FRK: variants seen among roughly 807,000 people sequenced by gnomAD.
The protein encoded by FRK is tyrosine-protein kinase FRK.
Under a neutral mutation model 56.4 loss-of-function variants are expected in FRK, and 51 were observed. The ratio of observed to expected loss-of-function variants is 0.90; its 90% CI spans 0.72 to 1.14. The LOEUF is 1.14. Among genes scored for constraint, FRK ranks in the 50% most tolerant of loss-of-function variants. The pLI is 0.00. For missense variants in FRK, 570 were observed against 601.4 expected (o/e 0.95, Z 0.55); for synonymous variants, 245 against 217.9 (o/e 1.12, Z -1.10).
chr6:116,032,862 T>C (rs1008612344), intron 1 of FRK, among the ~76,000 whole-genome samples: 1 of 152,120 alleles, frequency 6.6e-6, no homozygotes, highest in African/African-American at 2.4e-5. Flanking sequence ...AAAAAAATTC[T>C]TCTTTGCAGA....
chr6:115,981,831 T>G (rs1044339970), intron 2 of FRK, among the ~76,000 whole-genome samples: 11 of 152,148 alleles, frequency 7.2e-5, no homozygotes, highest in Non-Finnish European at 1.6e-4. Context: ...TTTCTACATA[T>G]GCAAGAAAAC....
chr6:116,099,860 G>A, the FRK span, among the ~76,000 whole-genome samples: 2 of 152,228 alleles, frequency 1.3e-5, no homozygotes, highest in Non-Finnish European at 2.9e-5. Flanking sequence ...AACTGAAGCA[G>A]TGTAAACATA....
intron 2 of FRK, among the ~76,000 whole-genome samples, chr6:115,980,325 A>C (rs1482879695): frequency 1.3e-5 from 2 of 152,132 alleles, no homozygotes; most frequent in Admixed American, 1.3e-4. Flanking sequence ...GTAATTGTAA[A>C]AATTATCTAG....
At chr6:116,051,740 T>C (rs1017900678) in intron 1 of FRK, among the ~76,000 whole-genome samples, 3 of 152,144 alleles carry the variant, frequency 2.0e-5, no homozygotes, top group Non-Finnish European at 4.4e-5. Flanking sequence ...AGAACCCATA[T>C]TTAAAATGGG....
chr6:116,086,655 T>C, the FRK span, among the ~76,000 whole-genome samples: 1 of 152,226 alleles, frequency 6.6e-6, no homozygotes. Flanking sequence ...ATTCTAAATC[T>C]GTGATTAATT....
chr6:116,013,051 G>T (rs1775529252), intron 1 of FRK, among the ~76,000 whole-genome samples: 2 of 152,046 alleles, frequency 1.3e-5, no homozygotes. Context: ...CCTTTGCTTG[G>T]GTCATTTGAT....
intron 2 of FRK, among the ~76,000 whole-genome samples, chr6:115,995,181 A>C (rs1774790574): frequency 6.6e-6 from 1 of 152,174 alleles, no homozygotes; most frequent in African/African-American, 2.4e-5. Context: ...TGATAGACTT[A>C]GTTTATAGAG....
intron 2 of FRK, among the ~76,000 whole-genome samples, chr6:115,991,422 C>G (rs542510979): frequency 3.2e-4 from 49 of 151,642 alleles, no homozygotes; most frequent in African/African-American, 1.2e-3. Flanking sequence ...ATCTAAGGCT[C>G]TTATTATTTT....
chr6:116,100,234 G>C, the FRK span, among the ~76,000 whole-genome samples: 1 of 152,166 alleles, frequency 6.6e-6, no homozygotes, highest in Non-Finnish European at 1.5e-5. Flanking sequence ...GTATCATCTT[G>C]CAAAATGGTT....
intron 6 of FRK, among the ~76,000 whole-genome samples, chr6:115,943,492 A>G (rs1772286669): frequency 1.3e-5 from 2 of 148,656 alleles, no homozygotes; most frequent in South Asian, 4.2e-4. Flanking sequence ...TCTTGAGCAA[A>G]AAAAAAAAAA....
At chr6:116,070,134 T>TAAAAAAAAAAA in the FRK span, among the ~76,000 whole-genome samples, 1 of 137,034 alleles carries the variant, frequency 7.3e-6, no homozygotes. Flanking sequence ...GCCCATTATT[T>TAAAAAAAAAAA]AAAAAAAAAA....
At chr6:116,079,151 G>T in the FRK span, among the ~76,000 whole-genome samples, 1 of 151,918 alleles carries the variant, frequency 6.6e-6, no homozygotes, top group East Asian at 1.9e-4. Flanking sequence ...CTGAGTAGTA[G>T]ATTATAGGCA....
At chr6:116,048,383 A>G (rs1777056689) in intron 1 of FRK, among the ~76,000 whole-genome samples, 1 of 152,084 alleles carries the variant, frequency 6.6e-6, no homozygotes, top group African/African-American at 2.4e-5. Flanking sequence ...CCTGGTCCCA[A>G]GTTACATTTT....
upstream of FRK, among the ~76,000 whole-genome samples, chr6:116,065,175 C>T (rs1233670980): frequency 6.6e-6 from 1 of 152,142 alleles, no homozygotes; most frequent in African/African-American, 2.4e-5. Context: ...GCTCCTATAC[C>T]TGGTATGCTG....
rs796982884 is a variant in FRK at position 116,039,394 on chromosome 6, A to G, written c.344+20574T>C. 11 of 1,563,986 alleles carry G rather than the reference A, an allele frequency of 7.0e-6. No individual in the cohort carries two copies. In the African/African-American group the frequency reaches 1.2e-4, roughly 17 times the overall value. The stretch of plus-strand genomic sequence containing the variant: ...TTATGGAGGCTCTGTGATGGGGGCA[A>G]CCTGCAAGGAGCTGGCCAGCCAGCC... On this transcript the variant is annotated intron_variant, in intron 1 of 7. Transcript: ENST00000606080.
chr6:116,014,780 AAC>A (rs1157387043), intron 1 of FRK, among the ~76,000 whole-genome samples: 2 of 152,202 alleles, frequency 1.3e-5, no homozygotes, highest in Non-Finnish European at 2.9e-5. Flanking sequence ...TTGTTTCACA[AAC>A]AAATATGAGA....
intron 2 of FRK, among the ~76,000 whole-genome samples, chr6:115,995,598 C>A (rs1774807984): frequency 6.6e-6 from 1 of 151,230 alleles, no homozygotes. Flanking sequence ...CACAGACAAA[C>A]AAAAGAGGGA....
rs376090182 is a variant in FRK, at chr6:115,943,124, G to A, written c.1202C>T (p.Ala401Val). ...TTTATTACTACGAATGGCTTCGGGC[G>A]CAGTCCACTTCACCGGCAGCTTTAT... ...HEIKLPVKWT[A>V]PEAIRSNKFS... The change falls in exon 7 of 8, where the codon GCG becomes GTG. Residue 401 changes from alanine (A) to valine (V), a missense_variant. By Grantham distance (64) the Ala-to-Val change is moderately conservative. Transcript: ENST00000606080. 3.7e-5 allele frequency: 60 copies of A among 1,612,700 alleles called. 1 individual carries two copies. Among genetic ancestry groups the A allele is most frequent in the South Asian group, 1.6e-4 (15 of 90,966 alleles).
In FRK at chr6:115,942,910, G is replaced by A. The variant is rs1422384815; in HGVS notation, c.1306+110C>T. 12 of 1,050,408 alleles carry A rather than the reference G, an allele frequency of 1.1e-5. No individual in the cohort carries two copies. The Admixed American group carries it at 2.5e-4, about 22-fold the overall frequency. 65.1% of individuals were successfully genotyped at this position (1,050,408 alleles called of 1,614,324 possible). A position where few individuals can be genotyped will look rare whatever the true frequency, so the allele number is the denominator to read the frequency against. ...TTATCTATCAAGCTCCCGCAGGTAT[G>A]GTATGGTCAGCCTCATAACTCTGCC... On this transcript the variant is annotated intron_variant, in intron 7 of 7. Coordinates refer to ENST00000606080, the MANE Select transcript of FRK (RefSeq NM_002031.3).
Sources: allele counts gnomAD v4.1 joint callset (sites outside exome capture counted in the v4.1 genomes callset), GRCh38; gene constraint gnomAD v4.1.1; transcripts MANE v1.5; gene names NCBI Gene and HGNC (gene_info 2026-07-23, HGNC 2026-07-21).